RPS29: variants seen among roughly 807,000 people sequenced by gnomAD.
RPS29 encodes small ribosomal subunit protein uS14.
For synonymous variants in RPS29, 37 were observed against 26.9 expected (o/e 1.37, Z -1.16); for missense variants, 60 against 75.7 (o/e 0.79, Z 0.77).
Position 49,583,633 on chromosome 14 carries a change from A to G in RPS29, c.*34T>C. On this transcript the variant is annotated 3_prime_UTR_variant, in exon 3 of 3. Coordinates refer to ENST00000245458, the MANE Select transcript of RPS29 (RefSeq NM_001032.5). ...GAATTATCATGGTTTTTCATTGAGT[A>G]GATGCCCCGGATAATCCTCTGAAGG... The G allele has an allele frequency of 6.3e-7, 1 of 1,579,116 alleles. No individual in the cohort carries two copies. Among genetic ancestry groups the G allele is most frequent in the South Asian group, 1.2e-5 (1 of 85,006 alleles).
At chr14:49,573,272 A>G (rs553338321) in exon 3 of RPS29, 1 of 152,242 alleles carries the variant, frequency 6.6e-6, no homozygotes, top group Admixed American at 6.5e-5. Context: ...GTTTGAGACC[A>G]GACTGGCCAA....
chr14:49,575,435 A>G (rs907856236), exon 3 of RPS29: 1 of 152,232 alleles, frequency 6.6e-6, no homozygotes, highest in African/African-American at 2.4e-5. Context: ...CAGGCCTTCA[A>G]TATTTCTGTC....
rs369636528 is a variant in RPS29 at position 49,586,094 on chromosome 14, A to G, written c.63-45T>C. ...GGTTTTGCAGGTCATAGAAATTACAAGACTCCGCACTCAGACGGCTACTAC... is the reference window on the plus strand; with the variant it reads ...GGTTTTGCAGGTCATAGAAATTACAGGACTCCGCACTCAGACGGCTACTAC... On this transcript the variant is annotated intron_variant, in intron 1 of 2. Coordinates refer to ENST00000245458, the MANE Select transcript of RPS29 (RefSeq NM_001032.5). 7 of 1,552,380 alleles carry G rather than the reference A, an allele frequency of 4.5e-6. No individual in the cohort carries two copies. The African/African-American group carries it at 8.1e-5, about 18-fold the overall frequency.
chr14:49,584,737 G>A (rs919844633), intron 2 of RPS29, among the ~76,000 whole-genome samples: 3 of 151,240 alleles, frequency 2.0e-5, no homozygotes, highest in Admixed American at 6.6e-5. Flanking sequence ...ACTCCAGCCT[G>A]GGAAACAGAG....
intron 1 of RPS29, among the ~76,000 whole-genome samples, chr14:49,595,783 C>T (rs1028478625): frequency 1.3e-5 from 2 of 152,092 alleles, no homozygotes; most frequent in Admixed American, 6.6e-5. Flanking sequence ...GAGGCTGGGG[C>T]GGGTGGATCA....
At chr14:49,586,478 G>A, upstream of RPS29, 1 of 777,176 alleles carries the variant, frequency 1.3e-6, no homozygotes, top group Non-Finnish European at 2.2e-6. Context: ...AGGTTGTTTC[G>A]CTGGGTGAGT....
intron 2 of RPS29, chr14:49,585,381 A>T (rs1305526687): frequency 6.8e-6 from 1 of 147,392 alleles, no homozygotes; most frequent in Non-Finnish European, 1.5e-5. Flanking sequence ...AAAAAAAAAA[A>T]ACTTGGGGTC....
At chr14:49,585,023 A>G (rs1443512524) in intron 2 of RPS29, among the ~76,000 whole-genome samples, 1 of 152,092 alleles carries the variant, frequency 6.6e-6, no homozygotes, top group Non-Finnish European at 1.5e-5. Flanking sequence ...GAATCTTAAC[A>G]ATGTCTTTCC....
At chr14:49,585,092 G>A (rs1458099082) in intron 2 of RPS29, among the ~76,000 whole-genome samples, 2 of 152,110 alleles carry the variant, frequency 1.3e-5, no homozygotes, top group Middle Eastern at 3.2e-3. Flanking sequence ...TGGGTTGGCC[G>A]GGCGCGGTGG....
chr14:49,587,663 A>G (rs991087499), upstream of RPS29, among the ~76,000 whole-genome samples: 3 of 152,262 alleles, frequency 2.0e-5, no homozygotes, highest in African/African-American at 7.2e-5. Context: ...TCTGTGGGAA[A>G]CAGGATTATC....
At chr14:49,598,562 C>CAA (rs1343209496) in exon 1 of RPS29, 1 of 702,174 alleles carries the variant, frequency 1.4e-6, no homozygotes, top group Non-Finnish European at 2.6e-6. Flanking sequence ...CGGGGCCACT[C>CAA]AGACAGTTCT....
At chr14:49,594,160 G>A (rs1257236098) in intron 1 of RPS29, among the ~76,000 whole-genome samples, 1 of 152,132 alleles carries the variant, frequency 6.6e-6, no homozygotes, top group Non-Finnish European at 1.5e-5. Context: ...AGTATGGATG[G>A]TGGATTATTA....
chr14:49,586,265 A>G lies in RPS29; in HGVS notation c.62+20T>C, dbSNP rs1314563640. 3.1e-6 allele frequency: 5 copies of G among 1,612,522 alleles called. No homozygotes were observed. The African/African-American group carries it at 5.3e-5, about 17-fold the overall frequency. ...GCGCTCCACGGCAACGCTTCCCCAA[A>G]ATCACAAACTATTTCTCACCAAGAG... On this transcript the variant is annotated intron_variant, in intron 1 of 2. Coordinates refer to ENST00000245458, the MANE Select transcript of RPS29 (RefSeq NM_001032.5).
chr14:49,584,908 G>A (rs1236977678), intron 2 of RPS29, among the ~76,000 whole-genome samples: 1 of 139,138 alleles, frequency 7.2e-6, no homozygotes, highest in East Asian at 1.9e-4. Context: ...CTATTTAAAA[G>A]ATTTTCAGAA....
upstream of RPS29, chr14:49,586,404 T>C: frequency 1.3e-6 from 2 of 1,494,102 alleles, no homozygotes; most frequent in Non-Finnish European, 1.9e-6. Flanking sequence ...CATGCGCTCT[T>C]CAAATTTTTG....
chr14:49,587,525 T>C (rs1777246912), upstream of RPS29, among the ~76,000 whole-genome samples: 1 of 152,228 alleles, frequency 6.6e-6, no homozygotes, highest in African/African-American at 2.4e-5. Flanking sequence ...GTATGTTATG[T>C]CAGGGTTCTA....
chr14:49,584,659 G>A (rs142858551), intron 2 of RPS29, among the ~76,000 whole-genome samples: 132 of 150,516 alleles, frequency 8.8e-4, no homozygotes, highest in African/African-American at 3.1e-3. Context: ...AGGTACTAGG[G>A]AGGCTGAGAC....
exon 3 of RPS29, chr14:49,577,458 T>C: frequency 2.3e-6 from 1 of 431,354 alleles, no homozygotes; most frequent in East Asian, 5.1e-5. Flanking sequence ...CCTGGGCTGC[T>C]CTTTCCAAGA....
At chr14:49,596,915 CTTCTT>C (rs1881838528) in intron 1 of RPS29, among the ~76,000 whole-genome samples, 1 of 139,876 alleles carries the variant, frequency 7.1e-6, no homozygotes, top group African/African-American at 2.7e-5. Flanking sequence ...ATTTTTTCTT[CTTCTT>C]TTTTTTTTTT....
Sources: allele counts gnomAD v4.1 joint callset (sites outside exome capture counted in the v4.1 genomes callset), GRCh38; gene constraint gnomAD v4.1.1; transcripts MANE v1.5; gene names NCBI Gene and HGNC (gene_info 2026-07-23, HGNC 2026-07-21).